Variants in TMEM117 observed in about 807,000 individuals in gnomAD.
The protein encoded by TMEM117 is transmembrane protein 117.
In TMEM117, 27 loss-of-function variants were observed where a neutral mutation model predicts 52.4. The observed-to-expected ratio is 0.51, with a 90% CI of 0.38 to 0.71. The LOEUF (loss-of-function observed/expected upper bound fraction) is 0.71. Among genes scored for constraint, TMEM117 ranks in the 30% least tolerant of loss-of-function variants. TMEM117 has a pLI of 0.00. For missense variants in TMEM117, 556 were observed against 630.5 expected (o/e 0.88, Z 1.26); for synonymous variants, 215 against 206.3 (o/e 1.04, Z -0.36).
intron 5 of TMEM117, among the ~76,000 whole-genome samples, chr12:44,274,851 A>C (rs1403510710): frequency 2.0e-5 from 3 of 152,114 alleles, no homozygotes; most frequent in African/African-American, 7.2e-5. Flanking sequence ...TGATACTACT[A>C]ATAAGAAAAC....
intron 2 of TMEM117, among the ~76,000 whole-genome samples, chr12:43,913,104 C>T (rs1944542726): frequency 6.6e-6 from 1 of 152,168 alleles, no homozygotes; most frequent in Non-Finnish European, 1.5e-5. Context: ...ATCTGTTGAA[C>T]ATATGGCCCT....
At chr12:44,122,705 G>C (rs1463353793) in intron 3 of TMEM117, among the ~76,000 whole-genome samples, 1 of 152,112 alleles carries the variant, frequency 6.6e-6, no homozygotes, top group Non-Finnish European at 1.5e-5. Flanking sequence ...GAGGATAATG[G>C]CCTCCAGCTC....
intron 2 of TMEM117, among the ~76,000 whole-genome samples, chr12:43,870,976 G>T (rs958130764): frequency 6.6e-6 from 1 of 151,916 alleles, no homozygotes; most frequent in African/African-American, 2.4e-5. Context: ...GTAGAGACAG[G>T]GTTTCACCAT....
chr12:44,281,200 A>G (rs1321461459), intron 5 of TMEM117, among the ~76,000 whole-genome samples: 1 of 152,218 alleles, frequency 6.6e-6, no homozygotes, highest in Non-Finnish European at 1.5e-5. Context: ...ACATGACATT[A>G]CATCCTTTAA....
At chr12:43,970,252 C>T (rs1368121867) in intron 3 of TMEM117, among the ~76,000 whole-genome samples, 1 of 151,444 alleles carries the variant, frequency 6.6e-6, no homozygotes, top group Non-Finnish European at 1.5e-5. Context: ...TGATGGTGGC[C>T]TGTTGTTATA....
chr12:43,818,689 C>T, the TMEM117 span, among the ~76,000 whole-genome samples: 8 of 152,132 alleles, frequency 5.3e-5, no homozygotes, highest in South Asian at 2.1e-4. Context: ...GTGATCCGAC[C>T]GCCTTGGCTT....
intron 6 of TMEM117, among the ~76,000 whole-genome samples, chr12:44,325,790 A>G (rs1192707612): frequency 6.6e-6 from 1 of 152,178 alleles, no homozygotes; most frequent in African/African-American, 2.4e-5. Context: ...GGGTGTGTCC[A>G]TGCGTGTATA....
At chr12:43,863,005 A>G (rs1379596424) in intron 2 of TMEM117, among the ~76,000 whole-genome samples, 6 of 152,044 alleles carry the variant, frequency 3.9e-5, no homozygotes, top group African/African-American at 1.4e-4. Context: ...AAGAAAAACA[A>G]AAACATTGGC....
At chr12:44,269,054 A>G (rs74324065) in intron 5 of TMEM117, among the ~76,000 whole-genome samples, 2,686 of 151,916 alleles carry the variant, frequency 0.018, 64 homozygotes, top group East Asian at 0.057. Context: ...GCTTTTTTTC[A>G]CTCAACATTA....
At chr12:43,826,189 A>G in the TMEM117 span, among the ~76,000 whole-genome samples, 12 of 152,352 alleles carry the variant, frequency 7.9e-5, no homozygotes, top group African/African-American at 1.9e-4. Flanking sequence ...AGGCTTTGCC[A>G]TGACTGCTCA....
At chr12:44,317,201 T>C (rs1258184278) in intron 6 of TMEM117, among the ~76,000 whole-genome samples, 1 of 151,056 alleles carries the variant, frequency 6.6e-6, no homozygotes, top group Non-Finnish European at 1.5e-5. Flanking sequence ...ACTGGTTCTT[T>C]CTCATCTGGA....
chr12:43,945,764 T>C (rs1338381852), intron 3 of TMEM117, among the ~76,000 whole-genome samples: 2 of 152,180 alleles, frequency 1.3e-5, no homozygotes, highest in African/African-American at 2.4e-5. Flanking sequence ...TTTTCCCCAA[T>C]AGATCAGAAA....
At chr12:44,334,626 T>C (rs1362299849) in intron 6 of TMEM117, among the ~76,000 whole-genome samples, 1 of 151,966 alleles carries the variant, frequency 6.6e-6, no homozygotes, top group Non-Finnish European at 1.5e-5. Flanking sequence ...TACTTAAGGT[T>C]TGGCTTATGT....
intron 3 of TMEM117, among the ~76,000 whole-genome samples, chr12:44,129,839 A>C (rs376975162): frequency 9.2e-5 from 14 of 152,344 alleles, no homozygotes; most frequent in East Asian, 5.8e-4. Flanking sequence ...TTGTTCACAT[A>C]CTTTAAAATA....
intron 3 of TMEM117, among the ~76,000 whole-genome samples, chr12:43,971,780 C>T (rs768176059): frequency 2.6e-5 from 4 of 152,180 alleles, no homozygotes; most frequent in Non-Finnish European, 5.9e-5. Context: ...GATCTGTCCT[C>T]TTAACAAATT....
intron 4 of TMEM117, among the ~76,000 whole-genome samples, chr12:44,190,276 T>C (rs190509904): frequency 6.6e-6 from 1 of 152,242 alleles, no homozygotes; most frequent in African/African-American, 2.4e-5. Context: ...GAATTTCTTA[T>C]GCTATTAAGC....
chr12:44,144,893 C>T (rs563815371), intron 4 of TMEM117, among the ~76,000 whole-genome samples: 141 of 152,338 alleles, frequency 9.3e-4, no homozygotes, highest in African/African-American at 3.2e-3. Context: ...CGCGGTGGCT[C>T]ACGCCTGTAA....
chr12:44,049,854 G>A (rs113192008), intron 3 of TMEM117, among the ~76,000 whole-genome samples: 1 of 152,262 alleles, frequency 6.6e-6, no homozygotes, highest in African/African-American at 2.4e-5. Context: ...ATGGCCCGAG[G>A]AATTAACTTT....
intron 5 of TMEM117, among the ~76,000 whole-genome samples, chr12:44,280,982 C>G (rs1259347186): frequency 1.3e-5 from 2 of 151,746 alleles, no homozygotes; most frequent in Non-Finnish European, 2.9e-5. Context: ...CATGCATTTT[C>G]CTTATTTTTG....
Sources: gnomAD v4.1 joint callset for allele counts (sites outside exome capture counted in the v4.1 genomes callset) on GRCh38, gnomAD v4.1.1 for gene constraint, MANE v1.5 for transcripts, NCBI Gene and HGNC (gene_info 2026-07-23, HGNC 2026-07-21) for gene names.